The following FSTL4 variants were observed in gnomAD, a reference collection of about 807,000 sequenced individuals.
The protein encoded by FSTL4 is follistatin like 4.
FSTL4 carries 28 observed loss-of-function variants against 78.2 expected under a neutral mutation model. That is an observed-to-expected ratio of 0.36 (90% CI 0.27 to 0.49). The LOEUF (loss-of-function observed/expected upper bound fraction) is 0.49. FSTL4 is among the 20% of genes least tolerant of loss of function. FSTL4 has a pLI of 0.98. For synonymous variants in FSTL4, 422 were observed against 440.5 expected (o/e 0.96, Z 0.53); for missense variants, 922 against 1,084.9 (o/e 0.85, Z 2.11).
At chr5:133,241,632 TGG>T (rs1751876985) in intron 7 of FSTL4, among the ~76,000 whole-genome samples, 1 of 152,216 alleles carries the variant, frequency 6.6e-6, no homozygotes, top group Non-Finnish European at 1.5e-5. Flanking sequence ...AGCCCTTGAA[TGG>T]GGCTTTGGCT....
At chr5:133,648,978 AC>A in the FSTL4 span, among the ~76,000 whole-genome samples, 6 of 152,176 alleles carry the variant, frequency 3.9e-5, no homozygotes, top group Non-Finnish European at 8.8e-5. Flanking sequence ...ATAGTATCAT[AC>A]AAAGTAGTTT....
At chr5:133,627,794 T>C in the FSTL4 span, among the ~76,000 whole-genome samples, 1 of 152,030 alleles carries the variant, frequency 6.6e-6, no homozygotes, top group African/African-American at 2.4e-5. Context: ...TTTTCTCTTT[T>C]TCATTTCTGT....
At chr5:133,336,525 C>T (rs1273437838) in intron 4 of FSTL4, among the ~76,000 whole-genome samples, 1 of 152,220 alleles carries the variant, frequency 6.6e-6, no homozygotes, top group Non-Finnish European at 1.5e-5. Context: ...TGTGAATGCT[C>T]TTCTGTTAAG....
chr5:133,563,848 T>C (rs1759972698), intron 3 of FSTL4, among the ~76,000 whole-genome samples: 1 of 152,200 alleles, frequency 6.6e-6, no homozygotes, highest in Admixed American at 6.5e-5. Flanking sequence ...GATTCTCCAG[T>C]CAAAATATCA....
intron 3 of FSTL4, among the ~76,000 whole-genome samples, chr5:133,430,843 C>A (rs1756920328): frequency 6.6e-6 from 1 of 152,152 alleles, no homozygotes. Flanking sequence ...GGGGGGTCAG[C>A]AGAGTCTTCA....
chr5:133,662,271 C>T, the FSTL4 span, among the ~76,000 whole-genome samples: 2 of 152,188 alleles, frequency 1.3e-5, no homozygotes, highest in Non-Finnish European at 2.9e-5. Flanking sequence ...GAGCAGCTTT[C>T]TTTTCTATCT....
At chr5:133,281,766 G>A (rs891299904) in intron 6 of FSTL4, among the ~76,000 whole-genome samples, 1 of 152,178 alleles carries the variant, frequency 6.6e-6, no homozygotes, top group Non-Finnish European at 1.5e-5. Flanking sequence ...ACATGAAGAG[G>A]GGATATAGAT....
chr5:133,790,473 G>T, the FSTL4 span, among the ~76,000 whole-genome samples: 1 of 152,164 alleles, frequency 6.6e-6, no homozygotes, highest in Non-Finnish European at 1.5e-5. Flanking sequence ...GTGTCATTAT[G>T]CTCTCTCAAC....
rs1446749796 is a variant in FSTL4, at chr5:133,447,272, C to T, written c.161-46286G>A. 3.3e-5 allele frequency among the ~76,000 whole-genome samples: 5 copies of T among 152,238 alleles called. No homozygotes were observed. In the East Asian group the frequency reaches 5.8e-4, roughly 18 times the overall value. ...CCTCTATATGGCCAAGTGTCCAGCCCAGGTCACCTGATGCCCAAGTCCACC... is the reference window on the plus strand; with the variant it reads ...CCTCTATATGGCCAAGTGTCCAGCCTAGGTCACCTGATGCCCAAGTCCACC... On this transcript the variant is annotated intron_variant, in intron 3 of 15. Coordinates refer to ENST00000265342, the MANE Select transcript of FSTL4 (RefSeq NM_015082.2).
chr5:133,743,408 A>C, the FSTL4 span, among the ~76,000 whole-genome samples: 105 of 152,338 alleles, frequency 6.9e-4, no homozygotes, highest in Non-Finnish European at 1.1e-3. Flanking sequence ...CTTTAAATGC[A>C]TGGATTTGGA....
intron 3 of FSTL4, among the ~76,000 whole-genome samples, chr5:133,555,742 C>T (rs1759772767): frequency 6.6e-6 from 1 of 152,266 alleles, no homozygotes; most frequent in East Asian, 1.9e-4. Context: ...GAGATTAGAT[C>T]TGACCCTATC....
At chr5:133,370,590 G>A (rs1755272429) in intron 4 of FSTL4, among the ~76,000 whole-genome samples, 1 of 152,070 alleles carries the variant, frequency 6.6e-6, no homozygotes, top group Non-Finnish European at 1.5e-5. Context: ...AGTTGTGTGA[G>A]GACAGGCTCG....
At chr5:133,471,891 A>G (rs765637041) in intron 3 of FSTL4, among the ~76,000 whole-genome samples, 10 of 152,168 alleles carry the variant, frequency 6.6e-5, no homozygotes, top group Non-Finnish European at 1.0e-4. Flanking sequence ...CCCTTGCTCT[A>G]GAGGGGGCCA....
At chr5:133,300,062 A>T (rs1470867481) in intron 6 of FSTL4, among the ~76,000 whole-genome samples, 1 of 152,150 alleles carries the variant, frequency 6.6e-6, no homozygotes, top group Non-Finnish European at 1.5e-5. Flanking sequence ...CTTTACCAGG[A>T]AGCTCTGTCC....
intron 3 of FSTL4, among the ~76,000 whole-genome samples, chr5:133,422,459 G>A (rs931940559): frequency 6.6e-6 from 1 of 151,904 alleles, no homozygotes; most frequent in African/African-American, 2.4e-5. Context: ...TGAAGGAGGC[G>A]GGGTAAGAAG....
intron 4 of FSTL4, among the ~76,000 whole-genome samples, chr5:133,387,054 T>A (rs1355519800): frequency 6.6e-6 from 1 of 152,140 alleles, no homozygotes; most frequent in Non-Finnish European, 1.5e-5. Context: ...AAGTGCCAAG[T>A]CTGGTGGAGG....
chr5:133,806,271 G>A, the FSTL4 span, among the ~76,000 whole-genome samples: 2 of 152,134 alleles, frequency 1.3e-5, no homozygotes, highest in Admixed American at 1.3e-4. Context: ...GTCCTCCACT[G>A]AACAGGAAGA....
chr5:133,783,974 C>T, the FSTL4 span, among the ~76,000 whole-genome samples: 1 of 151,780 alleles, frequency 6.6e-6, no homozygotes, highest in Non-Finnish European at 1.5e-5. Context: ...CTCTGCCCTG[C>T]AGTCATACTG....
chr5:133,470,054 C>T (rs187977399), intron 3 of FSTL4, among the ~76,000 whole-genome samples: 13 of 152,272 alleles, frequency 8.5e-5, no homozygotes, highest in Admixed American at 6.5e-4. Flanking sequence ...AAGGGCATTG[C>T]GTAGGGGCTG....
Sources: gnomAD v4.1 joint callset for allele counts (sites outside exome capture counted in the v4.1 genomes callset) on GRCh38, gnomAD v4.1.1 for gene constraint, MANE v1.5 for transcripts, NCBI Gene and HGNC (gene_info 2026-07-23, HGNC 2026-07-21) for gene names.